Variants in CEP350 observed in about 807,000 individuals in gnomAD.
CEP350 encodes the protein centrosomal protein 350.
A neutral mutation model predicts 331.8 loss-of-function variants in CEP350; 126 were observed. That is an observed-to-expected ratio of 0.38 (90% CI 0.33 to 0.44). CEP350 has a LOEUF of 0.44. Ranked by LOEUF, CEP350 falls within the 20% of genes least tolerant of loss-of-function variation. The pLI is 1.00. For missense variants in CEP350, 3,406 were observed against 3,634.6 expected (o/e 0.94, Z 1.62); for synonymous variants, 1,200 against 1,259.5 (o/e 0.95, Z 1.00).
rs1163885783 is a variant in CEP350, at chr1:180,044,131, A to G, written c.4580A>G (p.Asp1527Gly). The G allele has an allele frequency of 3.8e-6, 6 of 1,567,160 alleles. No individual in the cohort carries two copies. In the Admixed American group the frequency reaches 5.6e-5, roughly 15 times the overall value. The change falls in exon 21 of 38, where the codon GAT becomes GGT. Residue 1527 changes from aspartate (D) to glycine (G), a missense_variant. Coordinates refer to ENST00000367607, the MANE Select transcript of CEP350 (RefSeq NM_014810.5). ...CATCAGAAGTATTCTGCTTCATATG[A>G]TAGTTATTCTGAGTCTTCAGGATAC... ...SKHQKYSASY[D>G]SYSESSGYKN...
intron 14 of CEP350, among the ~76,000 whole-genome samples, chr1:180,025,503 C>T (rs145370386): frequency 1.4e-3 from 210 of 152,164 alleles, no homozygotes; most frequent in African/African-American, 4.6e-3. Context: ...TATAGGCCTA[C>T]GGAGATGGAT....
chr1:180,006,831 C>T (rs1654291913), intron 8 of CEP350, among the ~76,000 whole-genome samples: 1 of 152,156 alleles, frequency 6.6e-6, no homozygotes, highest in African/African-American at 2.4e-5. Flanking sequence ...TTGTTCAACT[C>T]CCACTTATGA....
intron 5 of CEP350, among the ~76,000 whole-genome samples, chr1:179,995,667 G>A (rs538344163): frequency 3.3e-5 from 5 of 152,222 alleles, no homozygotes; most frequent in African/African-American, 1.2e-4. Context: ...AATAAAAATA[G>A]TCTCTGGAGG....
At position 180,092,860 on chromosome 1, in the gene CEP350, C is replaced by G. The variant is rs770598239; in HGVS notation, c.6755C>G (p.Ser2252Cys). Reference sequence around the variant, plus strand: ...ATGTCAGATGGCAAGGTTGGAGAATCTAGTAAAAAATCAGAAATAAAAGAA... The same window carrying G: ...ATGTCAGATGGCAAGGTTGGAGAATGTAGTAAAAAATCAGAAATAAAAGAA... The part of the protein sequence containing the change: ...LDMSDGKVGE[S>C]SKKSEIKEIE... Residue 2252 changes from serine to cysteine, a missense_variant, in exon 34 of 38, where the codon TCT (serine) becomes TGT (cysteine). Around this residue, in one of 5 missense-constraint regions of CEP350, gnomAD observed 1,415 missense variants for 1,512.3 expected, o/e 0.94. Transcript: ENST00000367607. The G allele has an allele frequency of 2.6e-6, 4 of 1,567,072 alleles. No homozygotes were observed. The highest frequency in any genetic ancestry group is 2.7e-5 in the African/African-American group (2 of 73,532).
intron 1 of CEP350, among the ~76,000 whole-genome samples, chr1:179,973,519 T>G (rs1399805385): frequency 6.6e-6 from 1 of 152,234 alleles, no homozygotes; most frequent in Non-Finnish European, 1.5e-5. Context: ...TTTTTTTTAG[T>G]GTAATCATAA....
At chr1:179,967,831 A>AT (rs1263529866) in intron 1 of CEP350, among the ~76,000 whole-genome samples, 12 of 152,154 alleles carry the variant, frequency 7.9e-5, no homozygotes, top group East Asian at 1.9e-4. Flanking sequence ...ACGTATACTT[A>AT]TTTTTTTACG....
chr1:179,994,918 T>A (rs180983091), intron 5 of CEP350, among the ~76,000 whole-genome samples: 47 of 152,328 alleles, frequency 3.1e-4, no homozygotes, highest in Admixed American at 1.3e-3. Flanking sequence ...TGTTGTGGCC[T>A]TGAGAATCTT....
At chr1:180,024,697 T>A in intron 14 of CEP350, 115 bp downstream of exon 14, 1 of 1,153,194 alleles carries the variant, frequency 8.7e-7, no homozygotes, top group Non-Finnish European at 1.2e-6. Context: ...GTAATGTAAT[T>A]AGCTTTCATA....
chr1:180,011,943 A>T lies in CEP350; in HGVS notation c.1261A>T (p.Ile421Leu). ...TATTTTTTTAGGTAGTAGTCATCTT[A>T]TAAGTACATCTTCTTGGCGAGATGG... ...TECRTGSSHL[I>L]STSSWRDGQK... Residue 421 changes from isoleucine (I) to leucine (L), a missense_variant, in exon 9 of 38, where the codon ATA (isoleucine) becomes TTA (leucine). By Grantham distance (5) the Ile-to-Leu change is conservative. Transcript: ENST00000367607. 1 of 1,600,160 alleles carries T rather than the reference A, an allele frequency of 6.2e-7. No individual in the cohort carries two copies.
rs1461852273 is a variant in CEP350, at chr1:180,053,886, T to C, written c.5126T>C (p.Leu1709Ser). Residue 1709 changes from leucine (L) to serine (S), a missense_variant, in exon 24 of 38, where the codon TTG (leucine) becomes TCG (serine). This residue lies in a region of CEP350 where 104 missense variants were observed against 143.3 expected (regional missense o/e 0.73). Coordinates refer to ENST00000367607, the MANE Select transcript of CEP350 (RefSeq NM_014810.5). Reference protein sequence around the residue: ...SSLLRLREKALKEKTKAELAW... With the variant: ...SSLLRLREKASKEKTKAELAW... ...CTCCTGCGTCTCCGTGAAAAGGCCT[T>C]GAAGGAGAAGACTAAGGCTGAATTG... 1 of 1,610,858 alleles carries C rather than the reference T, an allele frequency of 6.2e-7. No individual in the cohort carries two copies. The highest frequency in any genetic ancestry group is 8.5e-7 in the Non-Finnish European group (1 of 1,178,110).
chr1:180,054,074 T>C, intron 24 of CEP350, 140 bp downstream of exon 24: 2 of 631,166 alleles, frequency 3.2e-6, no homozygotes, highest in Non-Finnish European at 5.1e-6. Context: ...CAGTCATACT[T>C]GATTTGTATT....
intron 37 of CEP350, among the ~76,000 whole-genome samples, chr1:180,108,718 G>A (rs557382429): frequency 6.6e-5 from 10 of 152,244 alleles, no homozygotes; most frequent in Middle Eastern, 3.4e-3. Flanking sequence ...CAAGTATTTC[G>A]TAGATACCCA....
At chr1:180,086,390 A>G (rs1018896201) in intron 31 of CEP350, among the ~76,000 whole-genome samples, 1 of 152,198 alleles carries the variant, frequency 6.6e-6, no homozygotes, top group Non-Finnish European at 1.5e-5. Context: ...GTATTGCTCA[A>G]AAATGTACCT....
intron 20 of CEP350, 97 bp from the exon 21 acceptor site, chr1:180,043,950 ATTTG>A: frequency 2.0e-6 from 2 of 1,016,922 alleles, no homozygotes; most frequent in Non-Finnish European, 2.7e-6. Flanking sequence ...TATAATATCT[ATTTG>A]TTCAAGATTT....
intron 37 of CEP350, among the ~76,000 whole-genome samples, chr1:180,109,927 A>G (rs1426487639): frequency 6.6e-6 from 1 of 152,144 alleles, no homozygotes; most frequent in Admixed American, 6.5e-5. Flanking sequence ...GAGCCACCGC[A>G]CCCAGCCAAT....
At chr1:179,989,295 G>T (rs1308328687) in intron 3 of CEP350, among the ~76,000 whole-genome samples, 1 of 151,396 alleles carries the variant, frequency 6.6e-6, no homozygotes, top group Non-Finnish European at 1.5e-5. Context: ...TTCAGATTCT[G>T]AATTTTAAAC....
chr1:179,990,049 C>A (rs912315376), intron 3 of CEP350, among the ~76,000 whole-genome samples: 1 of 151,904 alleles, frequency 6.6e-6, no homozygotes, highest in African/African-American at 2.4e-5. Flanking sequence ...ATTAGCCCGG[C>A]GTGGTGGCGC....
At position 179,992,188 on chromosome 1, in the gene CEP350, G is replaced by C; in HGVS notation, c.362G>C (p.Arg121Pro). 1.3e-6 allele frequency: 2 copies of C among 1,505,766 alleles called. No homozygotes were observed. Among genetic ancestry groups the C allele is most frequent in the Non-Finnish European group, 1.8e-6 (2 of 1,134,434 alleles). The allele number at this position is 1,505,766 out of a possible 1,614,324, so 93.3% of individuals were successfully genotyped here. ...GAGAGTAATGTGAAGAAAAATAATC[G>C]TGTGGAATTTCGTGAACCTTTGGTT... ...TLESNVKKNN[R>P]VEFREPLVSY... The change falls in exon 5 of 38, where the codon CGT becomes CCT. Residue 121 changes from arginine (R) to proline (P), a missense_variant. This residue lies in a region of CEP350 where 1,857 missense variants were observed against 1,909.2 expected (regional missense o/e 0.97). Transcript: ENST00000367607.
chr1:180,099,403 A>G (rs990113854), intron 37 of CEP350, among the ~76,000 whole-genome samples: 1 of 152,206 alleles, frequency 6.6e-6, no homozygotes, highest in Admixed American at 6.5e-5. Context: ...AAATTAAATA[A>G]GTATATGTGT....
Sources: gnomAD v4.1 joint callset for allele counts (sites outside exome capture counted in the v4.1 genomes callset) on GRCh38, gnomAD v4.1.1 for gene constraint, gnomAD v4.1.1 regional missense constraint, MANE v1.5 for transcripts, NCBI Gene and HGNC (gene_info 2026-07-23, HGNC 2026-07-21) for gene names.